The following MAP4K4 variants were observed in gnomAD, a reference collection of about 807,000 sequenced individuals.
MAP4K4 encodes mitogen-activated protein kinase kinase kinase kinase 4.
MAP4K4 carries 38 observed loss-of-function variants against 189.6 expected under a neutral mutation model. The observed-to-expected ratio is 0.20, with a 90% CI of 0.15 to 0.26. MAP4K4 has a LOEUF of 0.26. MAP4K4 is among the 10% of genes least tolerant of loss of function. MAP4K4 has a pLI of 1.00. For missense variants in MAP4K4, 1,054 were observed against 1,726.9 expected (o/e 0.61, Z 6.91); for synonymous variants, 610 against 624.3 (o/e 0.98, Z 0.34).
chr2:101,876,990 G>A lies in MAP4K4; in HGVS notation c.3242-13G>A, dbSNP rs114759280. 6,484 of 1,613,652 alleles carry A rather than the reference G, an allele frequency of 4.0e-3. 193 individuals carry two copies. The African/African-American group carries it at 0.074, about 19-fold the overall frequency. Reference sequence around the variant, plus strand: ...CAGCATAAAATTGAGGCCTTTCTGTGTCCCTGAAACAGGAGTGAATTTGCT... The same window carrying A: ...CAGCATAAAATTGAGGCCTTTCTGTATCCCTGAAACAGGAGTGAATTTGCT... On this transcript the variant is annotated splice_polypyrimidine_tract_variant and intron_variant, in intron 26 of 32. Coordinates refer to ENST00000324219, the Ensembl canonical transcript of MAP4K4.
At chr2:101,780,927 C>T (rs946608236) in intron 2 of MAP4K4, among the ~76,000 whole-genome samples, 3 of 152,022 alleles carry the variant, frequency 2.0e-5, no homozygotes, top group African/African-American at 7.3e-5. Context: ...GTAAGTTTGC[C>T]TATAGTAAAA....
chr2:101,846,143 C>T (rs2097101981), intron 12 of MAP4K4, among the ~76,000 whole-genome samples: 2 of 152,198 alleles, frequency 1.3e-5, no homozygotes, highest in Admixed American at 6.5e-5. Context: ...GTAGGGACAA[C>T]TTCGCTGCTT....
chr2:101,810,681 A>C lies in MAP4K4; in HGVS notation c.181-13247A>C, dbSNP rs116087784. Among the ~76,000 whole-genome samples, 1,037 of 152,310 alleles carry C rather than the reference A, an allele frequency of 6.8e-3. 8 individuals carry two copies. Among genetic ancestry groups the C allele is most frequent in the Middle Eastern group, 0.054 (16 of 294 alleles). On this transcript the variant is annotated intron_variant, in intron 3 of 32. Coordinates refer to ENST00000324219, the Ensembl canonical transcript of MAP4K4. ...AACCCACTATTTACTCTGGGCTCTC[A>C]AGAGGCATATCTTTTTTTCCTTTTA...
intron 3 of MAP4K4, among the ~76,000 whole-genome samples, chr2:101,818,648 A>G (rs17801650): frequency 0.24 from 37,103 of 152,152 alleles, 5,443 homozygotes; most frequent in Non-Finnish European, 0.31. Flanking sequence ...GTGTGCTCAG[A>G]TGGTGGAGTG....
intron 2 of MAP4K4, among the ~76,000 whole-genome samples, chr2:101,773,543 T>C (rs555208653): frequency 5.3e-5 from 8 of 152,364 alleles, no homozygotes; most frequent in African/African-American, 1.4e-4. Flanking sequence ...AGTCACATCA[T>C]GGAAAATAGG....
intron 2 of MAP4K4, among the ~76,000 whole-genome samples, chr2:101,779,571 G>T (rs183583389): frequency 6.6e-6 from 1 of 152,296 alleles, no homozygotes; most frequent in African/African-American, 2.4e-5. Flanking sequence ...AAAAGATGAT[G>T]CTTTGAGGAG....
chr2:101,769,200 T>G (rs1031226244), intron 2 of MAP4K4, among the ~76,000 whole-genome samples: 3 of 152,228 alleles, frequency 2.0e-5, no homozygotes, highest in African/African-American at 7.2e-5. Context: ...AACTGATTCA[T>G]TATTGTGGTC....
chr2:101,729,477 T>A (rs576526281), intron 2 of MAP4K4, among the ~76,000 whole-genome samples: 2 of 152,232 alleles, frequency 1.3e-5, no homozygotes, highest in African/African-American at 4.8e-5. Context: ...AACTGTATTT[T>A]TTATTATAGG....
chr2:101,779,229 G>GA (rs1477153729), intron 2 of MAP4K4, among the ~76,000 whole-genome samples: 1 of 152,062 alleles, frequency 6.6e-6, no homozygotes, highest in Non-Finnish European at 1.5e-5. Flanking sequence ...GGAGGATGCT[G>GA]AAAAATAGAG....
At chr2:101,824,830 A>T (rs143449692) in intron 4 of MAP4K4, among the ~76,000 whole-genome samples, 122 of 152,338 alleles carry the variant, frequency 8.0e-4, no homozygotes, top group African/African-American at 2.8e-3. Context: ...ACTTTTAGAT[A>T]CTGTAAATAT....
intron 2 of MAP4K4, among the ~76,000 whole-genome samples, chr2:101,761,252 TC>T (rs1156701722): frequency 6.6e-6 from 1 of 152,206 alleles, no homozygotes; most frequent in African/African-American, 2.4e-5. Context: ...ATGAAGTATT[TC>T]ATATTTAAAA....
chr2:101,849,366 C>G (rs1287520751), intron 12 of MAP4K4, among the ~76,000 whole-genome samples: 1 of 152,058 alleles, frequency 6.6e-6, no homozygotes, highest in Non-Finnish European at 1.5e-5. Flanking sequence ...TGGGCTCAAG[C>G]AATCCACCCG....
Position 101,698,149 on chromosome 2 carries a change from C to A in MAP4K4, c.57+12C>A. ...TCTCCTCCCTGCGGGTGAGTGGGCC[C>A]GCGAGCGGGCGCGCGGGGAGCGGGC... On this transcript the variant is annotated intron_variant, in intron 1 of 32. Coordinates refer to ENST00000324219, the Ensembl canonical transcript of MAP4K4. The A allele has an allele frequency of 8.3e-7, 1 of 1,201,212 alleles. No homozygotes were observed. Among genetic ancestry groups the A allele is most frequent in the Non-Finnish European group, 1.1e-6 (1 of 932,940 alleles). The allele number at this position is 1,201,212 out of a possible 1,614,324, so 74.4% of individuals were successfully genotyped here.
chr2:101,789,111 C>T (rs1040415627), intron 2 of MAP4K4, among the ~76,000 whole-genome samples: 7 of 152,054 alleles, frequency 4.6e-5, no homozygotes, highest in African/African-American at 9.7e-5. Context: ...TTTCTGTCAG[C>T]GAGAAATATG....
chr2:101,707,990 C>T (rs552226960), intron 2 of MAP4K4, among the ~76,000 whole-genome samples: 35 of 151,564 alleles, frequency 2.3e-4, no homozygotes, highest in East Asian at 9.7e-4. Context: ...TGTGAGCCAT[C>T]GCGCCCAGCC....
chr2:101,746,050 A>T (rs1282067246), intron 2 of MAP4K4, among the ~76,000 whole-genome samples: 1 of 151,588 alleles, frequency 6.6e-6, no homozygotes, highest in African/African-American at 2.4e-5. Flanking sequence ...GAATACAGTG[A>T]TGTGATCATA....
intron 2 of MAP4K4, among the ~76,000 whole-genome samples, chr2:101,770,520 A>C (rs1215180407): frequency 6.6e-6 from 1 of 152,068 alleles, no homozygotes; most frequent in Non-Finnish European, 1.5e-5. Flanking sequence ...CAGGTGATCC[A>C]CCCACATCGG....
At chr2:101,730,296 T>A (rs1039979760) in intron 2 of MAP4K4, among the ~76,000 whole-genome samples, 7 of 152,178 alleles carry the variant, frequency 4.6e-5, no homozygotes, top group African/African-American at 1.7e-4. Context: ...GATATGATCA[T>A]GAGTCTGGGG....
At position 101,741,956 on chromosome 2, in the gene MAP4K4, T is replaced by C. The variant is rs1322474927; in HGVS notation, c.123+43418T>C. ...AGGAATGCCACGCTGCTGTGCTAGATAGTGCGGCTGAAAGGTGAGTGTGTG... is the reference window on the plus strand; with the variant it reads ...AGGAATGCCACGCTGCTGTGCTAGACAGTGCGGCTGAAAGGTGAGTGTGTG... On this transcript the variant is annotated intron_variant, in intron 2 of 32. Transcript: ENST00000324219. 2.6e-5 allele frequency among the ~76,000 whole-genome samples: 4 copies of C among 152,288 alleles called. No homozygotes were observed. In the East Asian group the frequency reaches 7.7e-4, roughly 29 times the overall value.
Sources: allele counts gnomAD v4.1 joint callset (sites outside exome capture counted in the v4.1 genomes callset), GRCh38; gene constraint gnomAD v4.1.1; transcripts MANE v1.5; gene names NCBI Gene and HGNC (gene_info 2026-07-23, HGNC 2026-07-21).